Variants in R3HDM1 observed in about 807,000 individuals in gnomAD.
R3HDM1 encodes the protein R3H domain-containing protein 1.
In R3HDM1, 46 loss-of-function variants were observed where a neutral mutation model predicts 141.1. The observed-to-expected ratio is 0.33, with a 90% CI of 0.26 to 0.42. The LOEUF is 0.42. R3HDM1 is among the 10% of genes least tolerant of loss of function. The pLI is 1.00. For missense variants in R3HDM1, 1,184 were observed against 1,368.3 expected (o/e 0.87, Z 2.12); for synonymous variants, 435 against 472.9 (o/e 0.92, Z 1.04).
Position 135,641,905 on chromosome 2 carries a change from T to A in R3HDM1, c.1474+115T>A, listed in dbSNP as rs561999715. On this transcript the variant is annotated intron_variant, in intron 15 of 26. Coordinates refer to ENST00000683871, the MANE Select transcript of R3HDM1 (RefSeq NM_001378107.1). Reference sequence around the variant, plus strand: ...TTTATTATTCATGAATAATTAACATTTTCCAAGAACTTTATAACAAAAACA... The same window carrying A: ...TTTATTATTCATGAATAATTAACATATTCCAAGAACTTTATAACAAAAACA... The A allele has an allele frequency of 4.0e-6, 5 of 1,250,190 alleles. No individual in the cohort carries two copies. The African/African-American group carries it at 7.6e-5, about 19-fold the overall frequency. The allele number at this position is 1,250,190 out of a possible 1,614,324, so 77.4% of individuals were successfully genotyped here. A position where few individuals can be genotyped will look rare whatever the true frequency, so the allele number is the denominator to read the frequency against.
At chr2:135,657,145 G>A (rs2066012415) in intron 18 of R3HDM1, among the ~76,000 whole-genome samples, 2 of 151,562 alleles carry the variant, frequency 1.3e-5, no homozygotes, top group African/African-American at 2.4e-5. Flanking sequence ...GCTCAAGCTT[G>A]TAATCCTAGC....
At chr2:135,560,503 G>A (rs1025819064) in intron 1 of R3HDM1, among the ~76,000 whole-genome samples, 30 of 152,030 alleles carry the variant, frequency 2.0e-4, no homozygotes, top group African/African-American at 7.0e-4. Context: ...TAGTAGAGAC[G>A]GGGTTTCACC....
intron 19 of R3HDM1, among the ~76,000 whole-genome samples, chr2:135,662,489 C>G (rs544068249): frequency 5.6e-4 from 85 of 152,262 alleles, no homozygotes; most frequent in African/African-American, 1.9e-3. Flanking sequence ...ATCTGTTACC[C>G]TTAGGAGTTG....
chr2:135,540,527 G>A (rs1271999132), intron 1 of R3HDM1, among the ~76,000 whole-genome samples: 2 of 152,194 alleles, frequency 1.3e-5, no homozygotes, highest in Non-Finnish European at 2.9e-5. Context: ...TGGGGCTCAA[G>A]CAGTTCTCCC....
chr2:135,713,995 C>T (rs1284069685), intron 23 of R3HDM1, among the ~76,000 whole-genome samples: 1 of 151,676 alleles, frequency 6.6e-6, no homozygotes, highest in East Asian at 1.9e-4. Context: ...AATGTAGAAT[C>T]GTGAAATTAA....
chr2:135,541,995 G>A (rs1287717690), intron 1 of R3HDM1, among the ~76,000 whole-genome samples: 1 of 151,966 alleles, frequency 6.6e-6, no homozygotes, highest in Non-Finnish European at 1.5e-5. Context: ...AAATATCTTT[G>A]GGATGAGACC....
chr2:135,647,627 A>G (rs2064616148), intron 16 of R3HDM1, among the ~76,000 whole-genome samples: 1 of 152,218 alleles, frequency 6.6e-6, no homozygotes, highest in Non-Finnish European at 1.5e-5. Context: ...CAGGTAATGC[A>G]TCATCAGATC....
rs574519132 is a variant in R3HDM1 at position 135,621,572 on chromosome 2, G to A, written c.382G>A (p.Ala128Thr). ...AAAAGATGAAGCAGAAAAAGAAAAG[G>A]CCAGTGATAAGTTGCCCAGAAAAAT... ...PSKDEAEKEK[A>T]SDKLPRKMLS... Residue 128 changes from alanine (A) to threonine (T), a missense_variant, in exon 6 of 27, where the codon GCC becomes ACC. Physicochemically the swap from Ala to Thr is moderately conservative, Grantham distance 58. Transcript: ENST00000683871. 2 of 1,599,498 alleles carry A rather than the reference G, an allele frequency of 1.3e-6. No homozygotes were observed. The highest frequency in any genetic ancestry group is 2.3e-5 in the South Asian group (2 of 87,538).
At chr2:135,679,102 A>G (rs2069767139) in intron 20 of R3HDM1, among the ~76,000 whole-genome samples, 1 of 129,922 alleles carries the variant, frequency 7.7e-6, no homozygotes, top group South Asian at 2.4e-4. Context: ...TTTTAAATAA[A>G]GATCCTTCAG....
chr2:135,652,950 C>T lies in R3HDM1; in HGVS notation c.2028+918C>T, dbSNP rs79364573. On this transcript the variant is annotated intron_variant, in intron 18 of 26. Transcript: ENST00000683871. ...CTTATGCTTTTAATGTTTTTAGGATCTTAGTGGTATCCCCTTTTTATTTCT... is the reference window on the plus strand; with the variant it reads ...CTTATGCTTTTAATGTTTTTAGGATTTTAGTGGTATCCCCTTTTTATTTCT... Among the ~76,000 whole-genome samples the T allele has an allele frequency of 1.9e-3, 288 of 151,670 alleles. 2 individuals are homozygous for T. Among genetic ancestry groups the T allele is most frequent in the African/African-American group, 6.6e-3 (272 of 41,342 alleles).
rs1238868958 is a variant in R3HDM1 at position 135,692,467 on chromosome 2, C to T, written c.2459+12143C>T. Among the ~76,000 whole-genome samples, 3 of 152,220 alleles carry T rather than the reference C, an allele frequency of 2.0e-5. No homozygotes were observed. The East Asian group carries it at 5.8e-4, about 29-fold the overall frequency. On this transcript the variant is annotated intron_variant, in intron 21 of 26. Coordinates refer to ENST00000683871, the MANE Select transcript of R3HDM1 (RefSeq NM_001378107.1). The stretch of plus-strand genomic sequence containing the variant: ...ATTAGCTGGGCGTGGTGGCACATGC[C>T]TGTATTCTCAGCTACTCAGGAGGCT...
intron 1 of R3HDM1, among the ~76,000 whole-genome samples, chr2:135,537,486 A>G (rs989948964): frequency 1.3e-5 from 2 of 151,322 alleles, no homozygotes; most frequent in Admixed American, 1.3e-4. Flanking sequence ...GGATTTTGCC[A>G]TATTGGCCAG....
intron 1 of R3HDM1, chr2:135,576,927 T>C (rs1240847123): frequency 8.5e-6 from 2 of 235,746 alleles, no homozygotes; most frequent in Non-Finnish European, 1.4e-5. Context: ...TAAAATTTAT[T>C]GTGATGGCTA....
chr2:135,617,590 T>C (rs964726424), intron 5 of R3HDM1, among the ~76,000 whole-genome samples: 2 of 152,120 alleles, frequency 1.3e-5, no homozygotes, highest in Non-Finnish European at 2.9e-5. Flanking sequence ...TTTAGAACAG[T>C]GAGGTTTAGG....
At chr2:135,553,011 C>T (rs565854529) in intron 1 of R3HDM1, among the ~76,000 whole-genome samples, 1 of 152,048 alleles carries the variant, frequency 6.6e-6, no homozygotes, top group African/African-American at 2.4e-5. Flanking sequence ...CCTTAATAGC[C>T]GGGACCACAG....
rs186829364 is a variant in R3HDM1, at chr2:135,550,078, C to A, written c.-250+18445C>A. ...AAAATCTTTTCATGATCTGGAATGTCTTTTCCAGCTGAAGTTTTGTTAAGT... is the reference window on the plus strand; with the variant it reads ...AAAATCTTTTCATGATCTGGAATGTATTTTCCAGCTGAAGTTTTGTTAAGT... On this transcript the variant is annotated intron_variant, in intron 1 of 26. Coordinates refer to ENST00000683871, the MANE Select transcript of R3HDM1 (RefSeq NM_001378107.1). 21 of 984,678 alleles carry A rather than the reference C, an allele frequency of 2.1e-5. No individual in the cohort carries two copies. In the African/African-American group the frequency reaches 3.5e-4, roughly 16 times the overall value. 61.0% of individuals were successfully genotyped at this position (984,678 alleles called of 1,614,324 possible). A position where few individuals can be genotyped will look rare whatever the true frequency, so the allele number is the denominator to read the frequency against.
rs1251000324 is a variant in R3HDM1 at position 135,605,023 on chromosome 2, A to T, written c.171+7A>T. 4 of 1,565,170 alleles carry T rather than the reference A, an allele frequency of 2.6e-6. No individual in the cohort carries two copies. The highest frequency in any genetic ancestry group is 3.5e-6 in the Non-Finnish European group (4 of 1,144,778). ...GAACAATATAGATTTGCAGGTAAAC[A>T]GGAATTTTTCTCTGGCTACAAATAC... On this transcript the variant is annotated splice_region_variant and intron_variant, in intron 3 of 26. Coordinates refer to ENST00000683871, the MANE Select transcript of R3HDM1 (RefSeq NM_001378107.1).
At chr2:135,664,031 C>A (rs951764750) in intron 19 of R3HDM1, among the ~76,000 whole-genome samples, 1,268 of 102,746 alleles carry the variant, frequency 0.012, no homozygotes, top group Middle Eastern at 0.022. Flanking sequence ...GAGACTGTCT[C>A]AAAAAAAAAA....
At chr2:135,551,916 A>G (rs1337403008) in intron 1 of R3HDM1, among the ~76,000 whole-genome samples, 1 of 152,222 alleles carries the variant, frequency 6.6e-6, no homozygotes, top group East Asian at 1.9e-4. Flanking sequence ...TGAAAATGAT[A>G]GTTCATTTGT....
Sources: gnomAD v4.1 joint callset for allele counts (sites outside exome capture counted in the v4.1 genomes callset) on GRCh38, gnomAD v4.1.1 for gene constraint, MANE v1.5 for transcripts, NCBI Gene and HGNC (gene_info 2026-07-23, HGNC 2026-07-21) for gene names.